SCRN3: variants seen among roughly 807,000 people sequenced by gnomAD.
SCRN3 encodes the protein secernin 3.
Under a neutral mutation model 43.1 loss-of-function variants are expected in SCRN3, and 39 were observed. The ratio of observed to expected loss-of-function variants is 0.91; its 90% CI spans 0.70 to 1.18. SCRN3 has a LOEUF of 1.18. Ranked by LOEUF, SCRN3 falls within the 50% of genes most tolerant of loss-of-function variation. The probability of loss-of-function intolerance (pLI) is 0.00; values close to 1 mark genes in which losing one functional copy is unlikely to be tolerated. For missense variants in SCRN3, 484 were observed against 498.0 expected (o/e 0.97, Z 0.27); for synonymous variants, 147 against 163.1 (o/e 0.90, Z 0.75).
intron 1 of SCRN3, 62 bp from the exon 2 acceptor site, chr2:174,398,213 C>T (rs1216866581): frequency 1.7e-5 from 17 of 1,029,678 alleles, no homozygotes; most frequent in Admixed American, 6.1e-5. Context: ...TTGAGTAAAA[C>T]TCTTTATTTT....
chr2:174,413,569 C>CT (rs34014616), intron 5 of SCRN3, among the ~76,000 whole-genome samples: 29 of 117,026 alleles, frequency 2.5e-4, no homozygotes, highest in Middle Eastern at 4.5e-3. Flanking sequence ...CCTCACTTTT[C>CT]TTTTTTTTTG....
chr2:174,415,643 G>C (rs13030000), intron 5 of SCRN3, among the ~76,000 whole-genome samples: 29,615 of 151,996 alleles, frequency 0.19, 3,375 homozygotes, highest in Middle Eastern at 0.38. Flanking sequence ...TAAAATGTTT[G>C]TATTAAAAAA....
rs916568582 is a variant in SCRN3, at chr2:174,397,394, C to T, written c.-9-881C>T. 3.2e-6 allele frequency: 3 copies of T among 933,248 alleles called. No homozygotes were observed. In the African/African-American group the frequency reaches 5.4e-5, roughly 17 times the overall value. The allele number at this position is 933,248 out of a possible 1,614,324, so 57.8% of individuals were successfully genotyped here. On this transcript the variant is annotated intron_variant, in intron 1 of 7. Coordinates refer to ENST00000272732, the MANE Select transcript of SCRN3 (RefSeq NM_024583.5). ...TGAAGATCTAAGATTTTCCAAGTTA[C>T]AACTGAAGAGGTAATCTAGATATTA...
At position 174,395,788 on chromosome 2, in the gene SCRN3, AC is replaced by A; in HGVS notation, c.-37del. On this transcript the variant is annotated 5_prime_UTR_variant, in exon 1 of 8. An upstream open reading frame in the 5' UTR gains an earlier in-frame stop. Transcript: ENST00000272732. Reference sequence around the variant, plus strand: ...CCACTGGCCACTCCTCCCTCCGTCCACCTGTCACTTCGGGTAGCTGGGAGGC... The same window carrying A: ...CCACTGGCCACTCCTCCCTCCGTCCACTGTCACTTCGGGTAGCTGGGAGGC... 6.4e-7 allele frequency: 1 copy of A among 1,559,116 alleles called. No homozygotes were observed. The highest frequency in any genetic ancestry group is 8.7e-7 in the Non-Finnish European group (1 of 1,150,758).
rs528191195 is a variant in SCRN3, at chr2:174,429,003, C to G, written c.*1108C>G. On this transcript the variant is annotated 3_prime_UTR_variant, in exon 8 of 8. Coordinates refer to ENST00000272732, the MANE Select transcript of SCRN3 (RefSeq NM_024583.5). ...TAATAAAGAAGTGGGTCATTATATT[C>G]AAAGAGTGCTCAGGAAGTTATGTGT... 24 of 152,280 alleles carry G rather than the reference C, an allele frequency of 1.6e-4. No homozygotes were observed. The highest frequency in any genetic ancestry group is 5.5e-4 in the African/African-American group (23 of 41,568). The allele number at this position is 152,280 out of a possible 1,614,324, so 9.4% of individuals were successfully genotyped here. A position where few individuals can be genotyped will look rare whatever the true frequency, so the allele number is the denominator to read the frequency against.
At chr2:174,400,709 A>G (rs1049398560) in intron 3 of SCRN3, among the ~76,000 whole-genome samples, 3 of 152,240 alleles carry the variant, frequency 2.0e-5, no homozygotes, top group Non-Finnish European at 2.9e-5. Context: ...CTCATGGGCT[A>G]TCGTGCTCAT....
rs1686588056 is a variant in SCRN3 at position 174,429,379 on chromosome 2, C to T, written c.*1484C>T. 1 of 152,112 alleles carries T rather than the reference C, an allele frequency of 6.6e-6. No homozygotes were observed. The highest frequency in any genetic ancestry group is 1.5e-5 in the Non-Finnish European group (1 of 68,036). The allele number at this position is 152,112 out of a possible 1,614,324, so 9.4% of individuals were successfully genotyped here. A position where few individuals can be genotyped will look rare whatever the true frequency, so the allele number is the denominator to read the frequency against. The stretch of plus-strand genomic sequence containing the variant: ...CTACACCCATTTTTGTTCTTTATTT[C>T]CACCCACATGAGTCACTGCAGCCAA... On this transcript the variant is annotated 3_prime_UTR_variant, in exon 8 of 8. Coordinates refer to ENST00000272732, the MANE Select transcript of SCRN3 (RefSeq NM_024583.5).
At chr2:174,429,852 T>C (rs999664696), downstream of SCRN3, among the ~76,000 whole-genome samples, 5 of 152,206 alleles carry the variant, frequency 3.3e-5, no homozygotes, top group Non-Finnish European at 7.3e-5. Flanking sequence ...TTTCCATATG[T>C]CATATCATTG....
In SCRN3 at chr2:174,395,773, C is replaced by T; in HGVS notation, c.-54C>T. 2 of 1,572,000 alleles carry T rather than the reference C, an allele frequency of 1.3e-6. No individual in the cohort carries two copies. On this transcript the variant is annotated 5_prime_UTR_variant, in exon 1 of 8. Coordinates refer to ENST00000272732, the MANE Select transcript of SCRN3 (RefSeq NM_024583.5). ...CGGCAACTGATGCCTCCACTGGCCA[C>T]TCCTCCCTCCGTCCACCTGTCACTT...
At chr2:174,421,339 G>A (rs1001282947) in intron 5 of SCRN3, among the ~76,000 whole-genome samples, 86 of 152,330 alleles carry the variant, frequency 5.6e-4, no homozygotes, top group African/African-American at 2.0e-3. Context: ...AGGAGTAGAT[G>A]AAGAGCAACA....
intron 5 of SCRN3, among the ~76,000 whole-genome samples, chr2:174,417,607 C>T (rs1225652604): frequency 5.3e-5 from 8 of 152,128 alleles, no homozygotes; most frequent in Non-Finnish European, 1.0e-4. Context: ...GTTGGCCAGG[C>T]TGGTGTCAAA....
intron 7 of SCRN3, among the ~76,000 whole-genome samples, chr2:174,425,046 A>C (rs571014095): frequency 6.6e-6 from 1 of 152,282 alleles, no homozygotes; most frequent in East Asian, 1.9e-4. Context: ...AAAAATTACA[A>C]AGCCTCCAAA....
intron 7 of SCRN3, among the ~76,000 whole-genome samples, chr2:174,426,041 A>C (rs907920668): frequency 2.6e-5 from 4 of 152,112 alleles, no homozygotes; most frequent in Non-Finnish European, 5.9e-5. Context: ...TGTGAATATT[A>C]ACTGTTTGTA....
chr2:174,402,818 T>C (rs1234176574), intron 4 of SCRN3, among the ~76,000 whole-genome samples: 1 of 152,056 alleles, frequency 6.6e-6, no homozygotes, highest in East Asian at 1.9e-4. Context: ...AGTAATTTCA[T>C]TGATTTTTAC....
At chr2:174,397,354 G>A in intron 1 of SCRN3, 2 of 981,570 alleles carry the variant, frequency 2.0e-6, no homozygotes, top group Non-Finnish European at 2.4e-6. Flanking sequence ...GGACCTTTAG[G>A]TGTTCTATTA....
chr2:174,421,078 G>GA (rs757128476), intron 5 of SCRN3, among the ~76,000 whole-genome samples: 4 of 151,804 alleles, frequency 2.6e-5, no homozygotes, highest in East Asian at 1.9e-4. Flanking sequence ...ACATCCAGAG[G>GA]AAAAAAAATA....
chr2:174,404,029 C>A, intron 4 of SCRN3, 74 bp from the exon 5 acceptor site: 1 of 1,145,388 alleles, frequency 8.7e-7, no homozygotes, highest in Non-Finnish European at 1.3e-6. Context: ...GATTAGGAAT[C>A]ATGATATACA....
rs374591393 is a variant in SCRN3, at chr2:174,424,603, T to C, written c.1046T>C (p.Leu349Pro). 1.8e-4 allele frequency: 290 copies of C among 1,613,128 alleles called. No individual in the cohort carries two copies. Among genetic ancestry groups the C allele is most frequent in the Non-Finnish European group, 2.3e-4 (271 of 1,179,520 alleles). ...SHFKPDRRHP[L>P]YQKHQQALEV... Reference sequence around the variant, plus strand: ...TTTAAGCCTGACAGAAGACACCCACTCTACCAAAAACATCAACAGGCATTG... The same window carrying C: ...TTTAAGCCTGACAGAAGACACCCACCCTACCAAAAACATCAACAGGCATTG... Residue 349 changes from leucine (L) to proline (P), a missense_variant, in exon 7 of 8, where the codon CTC becomes CCC. By Grantham distance (98) the Leu-to-Pro change is moderately conservative. Coordinates refer to ENST00000272732, the MANE Select transcript of SCRN3 (RefSeq NM_024583.5).
chr2:174,412,860 C>CT (rs71024803), intron 5 of SCRN3, among the ~76,000 whole-genome samples: 12,415 of 61,958 alleles, frequency 0.2, 1,623 homozygotes, highest in Middle Eastern at 0.29. Context: ...CCATATAGTG[C>CT]TTTTTTTTTT....
Sources: gnomAD v4.1 joint callset for allele counts (sites outside exome capture counted in the v4.1 genomes callset) on GRCh38, gnomAD v4.1.1 for gene constraint, MANE v1.5 for transcripts, NCBI Gene and HGNC (gene_info 2026-07-23, HGNC 2026-07-21) for gene names.